CTNNA3: variants seen among roughly 807,000 people sequenced by gnomAD.
CTNNA3 encodes catenin alpha 3, also known as catenin alpha-3.
A neutral mutation model predicts 95.7 loss-of-function variants in CTNNA3; 76 were observed. The ratio of observed to expected loss-of-function variants is 0.79; its 90% CI spans 0.66 to 0.96. CTNNA3 has a LOEUF of 0.96. Among genes scored for constraint, CTNNA3 ranks in the 40% least tolerant of loss-of-function variants. The pLI, the probability that CTNNA3 is intolerant of heterozygous loss-of-function variation, is 0.00. For missense variants in CTNNA3, 1,191 were observed against 1,089.8 expected, an observed-to-expected ratio of 1.09 and a Z score of -1.31; for synonymous variants, 431 against 374.4, an observed-to-expected ratio of 1.15 and a Z score of -1.74.
chr10:65,928,974 C>A (rs977435632), intron 17 of CTNNA3, among the ~76,000 whole-genome samples: 1 of 151,944 alleles, frequency 6.6e-6, no homozygotes, highest in African/African-American at 2.4e-5. Flanking sequence ...GTGCTGAACC[C>A]AGCAACTCGT....
At chr10:66,758,612 G>C (rs746896274) in intron 9 of CTNNA3, among the ~76,000 whole-genome samples, 35 of 152,114 alleles carry the variant, frequency 2.3e-4, no homozygotes, top group Non-Finnish European at 4.4e-5. Context: ...TTCAAGTTCA[G>C]AGAAGTTTCA....
chr10:66,427,512 T>C (rs975890761), intron 11 of CTNNA3, among the ~76,000 whole-genome samples: 1 of 152,094 alleles, frequency 6.6e-6, no homozygotes, highest in Non-Finnish European at 1.5e-5. Context: ...GACAAATGAA[T>C]TTTTGCAATG....
At chr10:67,315,809 G>A (rs1841024189) in intron 5 of CTNNA3, among the ~76,000 whole-genome samples, 1 of 152,046 alleles carries the variant, frequency 6.6e-6, no homozygotes, top group Admixed American at 6.6e-5. Flanking sequence ...TAAAAAGTAT[G>A]TTTGTTATTT....
chr10:67,100,381 G>T lies in CTNNA3; in HGVS notation c.1047+79936C>A, dbSNP rs187810703. 2.4e-4 allele frequency among the ~76,000 whole-genome samples: 37 copies of T among 151,760 alleles called. No individual in the cohort carries two copies. The East Asian group carries it at 6.6e-3, about 27-fold the overall frequency. On this transcript the variant is annotated intron_variant, in intron 7 of 17. Coordinates refer to ENST00000433211, the MANE Select transcript of CTNNA3 (RefSeq NM_013266.4). Reference sequence around the variant, plus strand: ...AGCAAGAAAAAAAATGCTGGATGATGATTATTATTATTTTTGCTTAATTTT... The same window carrying T: ...AGCAAGAAAAAAAATGCTGGATGATTATTATTATTATTTTTGCTTAATTTT...
At chr10:67,440,475 C>T (rs1031199052) in intron 5 of CTNNA3, among the ~76,000 whole-genome samples, 1 of 152,030 alleles carries the variant, frequency 6.6e-6, no homozygotes, top group East Asian at 1.9e-4. Flanking sequence ...GATTGTAGAA[C>T]CCTAGAATGA....
chr10:66,130,973 C>G (rs1237420079), intron 13 of CTNNA3, among the ~76,000 whole-genome samples: 1 of 149,814 alleles, frequency 6.7e-6, no homozygotes, highest in African/African-American at 2.5e-5. Flanking sequence ...TTCCTGGACA[C>G]AGACAACCTT....
chr10:67,403,522 C>T (rs1449081420), intron 5 of CTNNA3: 4 of 152,468 alleles, frequency 2.6e-5, no homozygotes, highest in Non-Finnish European at 5.9e-5. Context: ...CTTCCAACCA[C>T]CCTCACCCAT....
chr10:66,682,756 A>G (rs1214218651), intron 9 of CTNNA3, among the ~76,000 whole-genome samples: 1 of 152,044 alleles, frequency 6.6e-6, no homozygotes, highest in Non-Finnish European at 1.5e-5. Context: ...CCCTTTCAAT[A>G]ACAAAAGGAA....
chr10:66,251,636 TATA>T (rs1166458625), intron 13 of CTNNA3, among the ~76,000 whole-genome samples: 2 of 152,160 alleles, frequency 1.3e-5, no homozygotes, highest in African/African-American at 4.8e-5. Flanking sequence ...ATATGGCTCA[TATA>T]ATAATATTAC....
chr10:65,990,096 T>C (rs61858362), intron 15 of CTNNA3, among the ~76,000 whole-genome samples: 4 of 147,518 alleles, frequency 2.7e-5, no homozygotes, highest in African/African-American at 9.9e-5. Context: ...TGTGTGTGTA[T>C]ACACACACAC....
At chr10:66,826,041 GGGA>G (rs1226107844) in intron 7 of CTNNA3, among the ~76,000 whole-genome samples, 2 of 152,098 alleles carry the variant, frequency 1.3e-5, no homozygotes, top group Non-Finnish European at 2.9e-5. Flanking sequence ...GGATTTTTAG[GGGA>G]GGAGTGAAAG....
chr10:67,749,974 A>G (rs898814650), intron 1 of CTNNA3, among the ~76,000 whole-genome samples: 1 of 152,136 alleles, frequency 6.6e-6, no homozygotes, highest in Non-Finnish European at 1.5e-5. Context: ...CACTCTTCAC[A>G]ATAAATTTGC....
At chr10:66,994,195 G>T (rs2132947484) in intron 7 of CTNNA3, among the ~76,000 whole-genome samples, 1 of 152,184 alleles carries the variant, frequency 6.6e-6, no homozygotes, top group Non-Finnish European at 1.5e-5. Context: ...ATGTAAAGGA[G>T]CAACTACCCA....
At chr10:67,230,963 C>T (rs1865168979) in intron 5 of CTNNA3, among the ~76,000 whole-genome samples, 1 of 152,152 alleles carries the variant, frequency 6.6e-6, no homozygotes. Flanking sequence ...TGCGCTTTTC[C>T]GACGGGCTTA....
chr10:66,970,450 A>G (rs1373448484), intron 7 of CTNNA3, among the ~76,000 whole-genome samples: 1 of 146,684 alleles, frequency 6.8e-6, no homozygotes, highest in Non-Finnish European at 1.5e-5. Flanking sequence ...ATTTGAGTTC[A>G]GTGAGGTAAC....
At chr10:66,684,144 G>T (rs921137355) in intron 9 of CTNNA3, among the ~76,000 whole-genome samples, 2 of 152,114 alleles carry the variant, frequency 1.3e-5, no homozygotes, top group African/African-American at 4.8e-5. Flanking sequence ...CTCAGTTGGG[G>T]AGGGGAAGGA....
intron 5 of CTNNA3, among the ~76,000 whole-genome samples, chr10:67,435,321 T>G (rs993637284): frequency 6.6e-6 from 1 of 151,902 alleles, no homozygotes; most frequent in Non-Finnish European, 1.5e-5. Context: ...AAGACTGAAT[T>G]TGAACATACC....
At chr10:66,222,626 G>GAAAGAAAGAA (rs2089016589) in intron 13 of CTNNA3, among the ~76,000 whole-genome samples, 1 of 76,658 alleles carries the variant, frequency 1.3e-5, no homozygotes, top group East Asian at 5.0e-4. Flanking sequence ...GAAAGAAAAA[G>GAAAGAAAGAA]AAAGAAAGAA....
At chr10:66,960,532 G>T (rs923989591) in intron 7 of CTNNA3, among the ~76,000 whole-genome samples, 3 of 152,244 alleles carry the variant, frequency 2.0e-5, no homozygotes, top group Admixed American at 2.0e-4. Context: ...CAGATAATAT[G>T]TAGCATGAAA....
Sources: allele counts gnomAD v4.1 joint callset (sites outside exome capture counted in the v4.1 genomes callset), GRCh38; gene constraint gnomAD v4.1.1; transcripts MANE v1.5; gene names NCBI Gene and HGNC (gene_info 2026-07-23, HGNC 2026-07-21).